Variants in GARIN2 observed in about 807,000 individuals in gnomAD.
The protein encoded by GARIN2 is Golgi-associated RAB2 interactor protein 2.
chr14:67,221,642 C>G, the GARIN2 span: 1 of 1,315,612 alleles, frequency 7.6e-7, no homozygotes, highest in Non-Finnish European at 1.0e-6. Context: ...CAGCAATGGC[C>G]TAGGTTTGCT....
the GARIN2 span, among the ~76,000 whole-genome samples, chr14:67,192,925 T>G: frequency 2.7e-5 from 4 of 145,816 alleles, no homozygotes; most frequent in Non-Finnish European, 6.0e-5. Flanking sequence ...TATATATGTA[T>G]ATATAGATAT....
the GARIN2 span, among the ~76,000 whole-genome samples, chr14:67,213,319 C>T: frequency 1.8e-5 from 2 of 112,420 alleles, no homozygotes; most frequent in Non-Finnish European, 3.5e-5. Flanking sequence ...CCCCCCTCCC[C>T]CCACCCCACA....
chr14:67,213,078 G>T, the GARIN2 span, among the ~76,000 whole-genome samples: 1 of 148,640 alleles, frequency 6.7e-6, no homozygotes, highest in Non-Finnish European at 1.5e-5. Context: ...TGGGGATGGG[G>T]CATAGAATTC....
chr14:67,195,366 C>G, the GARIN2 span, among the ~76,000 whole-genome samples: 7 of 152,226 alleles, frequency 4.6e-5, no homozygotes, highest in East Asian at 1.4e-3. Context: ...GGGAGATCAT[C>G]CACTCTTTGC....
the GARIN2 span, among the ~76,000 whole-genome samples, chr14:67,192,259 T>C: frequency 1.3e-5 from 2 of 152,182 alleles, no homozygotes; most frequent in African/African-American, 4.8e-5. Context: ...TAGAATAACT[T>C]GTGACAAAAG....
chr14:67,203,393 C>T, the GARIN2 span: 6 of 981,174 alleles, frequency 6.1e-6, no homozygotes, highest in Non-Finnish European at 7.3e-6. Flanking sequence ...GCCAGTGGAG[C>T]ATGTTACTCG....
the GARIN2 span, among the ~76,000 whole-genome samples, chr14:67,210,944 G>T: frequency 1.3e-5 from 2 of 152,094 alleles, no homozygotes; most frequent in Non-Finnish European, 2.9e-5. Context: ...AGGTTGCAGT[G>T]AGCTGAGATT....
At chr14:67,209,203 A>T in the GARIN2 span, among the ~76,000 whole-genome samples, 1 of 152,342 alleles carries the variant, frequency 6.6e-6, no homozygotes, top group East Asian at 1.9e-4. Flanking sequence ...AGCAAAAATG[A>T]TCAAGTCCAT....
At chr14:67,197,984 G>A in the GARIN2 span, 1 of 241,560 alleles carries the variant, frequency 4.1e-6, no homozygotes, top group Non-Finnish European at 6.7e-6. Context: ...TATCAGTCCT[G>A]TTTAGATGTA....
chr14:67,200,177 T>C, the GARIN2 span: 4 of 1,156,138 alleles, frequency 3.5e-6, no homozygotes, highest in African/African-American at 1.6e-5. Context: ...CCACATGGTA[T>C]GCGTGGACTT....
the GARIN2 span, among the ~76,000 whole-genome samples, chr14:67,212,641 TTAC>T: frequency 6.9e-6 from 1 of 144,842 alleles, no homozygotes; most frequent in African/African-American, 2.5e-5. Context: ...ATAATATATA[TTAC>T]ATATATATAT....
the GARIN2 span, among the ~76,000 whole-genome samples, chr14:67,193,970 AAC>A: frequency 6.6e-6 from 1 of 150,578 alleles, no homozygotes; most frequent in African/African-American, 2.4e-5. Flanking sequence ...AAAAACGAAA[AAC>A]AAAAAAAAAA....
At chr14:67,208,843 G>C in the GARIN2 span, among the ~76,000 whole-genome samples, 1 of 149,542 alleles carries the variant, frequency 6.7e-6, no homozygotes, top group Non-Finnish European at 1.5e-5. Flanking sequence ...GTTGCAGTGA[G>C]CCAAGATCAC....
At chr14:67,214,486 C>T in the GARIN2 span, among the ~76,000 whole-genome samples, 5 of 152,106 alleles carry the variant, frequency 3.3e-5, no homozygotes, top group East Asian at 1.9e-4. Flanking sequence ...AGACGTGCGG[C>T]GTTATTTCTG....
At chr14:67,203,188 A>G in the GARIN2 span, 11 of 1,613,970 alleles carry the variant, frequency 6.8e-6, no homozygotes, top group South Asian at 1.1e-5. Context: ...AAGATCCCCA[A>G]TGTGATGCTA....
chr14:67,205,718 G>C, the GARIN2 span, among the ~76,000 whole-genome samples: 2 of 151,978 alleles, frequency 1.3e-5, no homozygotes, highest in Non-Finnish European at 2.9e-5. Flanking sequence ...AAAAACTTGA[G>C]AGCCAAATTT....
At chr14:67,198,329 T>C in the GARIN2 span, 1 of 1,609,054 alleles carries the variant, frequency 6.2e-7, no homozygotes, top group East Asian at 2.2e-5. Context: ...AGGTAAATCA[T>C]ATTCAAGGCC....
the GARIN2 span, chr14:67,225,068 C>T: frequency 0.07 from 104,462 of 1,496,200 alleles, 11,905 homozygotes; most frequent in East Asian, 0.41. Flanking sequence ...CACTTCCTCT[C>T]TATTGATCTC....
chr14:67,223,647 C>T, the GARIN2 span: 11 of 847,206 alleles, frequency 1.3e-5, no homozygotes, highest in African/African-American at 1.8e-5. Flanking sequence ...ATGGGCATGT[C>T]GTTTTCCACA....
Sources: allele counts gnomAD v4.1 joint callset (sites outside exome capture counted in the v4.1 genomes callset), GRCh38; gene constraint gnomAD v4.1.1; transcripts MANE v1.5; gene names NCBI Gene and HGNC (gene_info 2026-07-23, HGNC 2026-07-21).